OCA2: variants seen among roughly 807,000 people sequenced by gnomAD.
The protein encoded by OCA2 is P protein.
A neutral mutation model predicts 100.2 loss-of-function variants in OCA2; 77 were observed. The ratio of observed to expected loss-of-function variants is 0.77; its 90% confidence interval spans 0.64 to 0.93. OCA2 has a LOEUF of 0.93. Among genes scored for constraint, OCA2 ranks in the 40% least tolerant of loss-of-function variants. The pLI is 0.00. For synonymous variants in OCA2, 432 were observed against 439.2 expected (o/e 0.98, Z 0.21); for missense variants, 1,062 against 1,089.1 (o/e 0.98, Z 0.35).
At chr15:27,795,953 A>T (rs979793947) in intron 23 of OCA2, among the ~76,000 whole-genome samples, 4 of 152,198 alleles carry the variant, frequency 2.6e-5, no homozygotes, top group African/African-American at 9.7e-5. Flanking sequence ...GAATTTGCCT[A>T]TTTAAGAAAA....
chr15:27,995,296 G>T (rs2041685608), intron 9 of OCA2, among the ~76,000 whole-genome samples: 1 of 152,112 alleles, frequency 6.6e-6, no homozygotes, highest in Admixed American at 6.6e-5. Flanking sequence ...CCACCCAACA[G>T]CAGAAAAAGA....
intron 9 of OCA2, among the ~76,000 whole-genome samples, chr15:28,005,731 A>G (rs936382558): frequency 7.2e-5 from 11 of 152,224 alleles, no homozygotes; most frequent in African/African-American, 2.7e-4. Context: ...CATTGGCATA[A>G]TCACTCTGCA....
chr15:27,753,174 C>T (rs1188100100), downstream of OCA2, among the ~76,000 whole-genome samples: 5 of 151,776 alleles, frequency 3.3e-5, no homozygotes, highest in Admixed American at 1.3e-4. Flanking sequence ...GGCCAATGAA[C>T]GAGAGGTTCC....
chr15:27,941,042 T>G (rs906920034), intron 18 of OCA2, among the ~76,000 whole-genome samples: 7 of 152,340 alleles, frequency 4.6e-5, no homozygotes, highest in Admixed American at 4.6e-4. Flanking sequence ...AGGAAGAATC[T>G]CTTGGTCCCA....
chr15:27,850,274 G>T (rs1272400681), intron 22 of OCA2, among the ~76,000 whole-genome samples: 1 of 152,268 alleles, frequency 6.6e-6, no homozygotes, highest in South Asian at 2.1e-4. Flanking sequence ...GTTACAGGAC[G>T]TGTCAGTCTA....
At chr15:27,950,922 C>G (rs906368316) in intron 18 of OCA2, among the ~76,000 whole-genome samples, 1 of 152,186 alleles carries the variant, frequency 6.6e-6, no homozygotes, top group African/African-American at 2.4e-5. Flanking sequence ...ACCATCTTAG[C>G]AGAGCTCACT....
chr15:27,911,629 A>G (rs1036272864), intron 19 of OCA2, among the ~76,000 whole-genome samples: 3 of 152,038 alleles, frequency 2.0e-5, no homozygotes, highest in African/African-American at 7.3e-5. Context: ...TCTTTTAACA[A>G]CCAGGTCTCT....
intron 9 of OCA2, among the ~76,000 whole-genome samples, chr15:27,993,344 G>A (rs368284259): frequency 2.0e-5 from 3 of 152,074 alleles, no homozygotes; most frequent in Non-Finnish European, 4.4e-5. Flanking sequence ...CTGAATAATT[G>A]TCCCCGTGTC....
intron 2 of OCA2, among the ~76,000 whole-genome samples, chr15:28,049,066 T>C (rs966507194): frequency 6.6e-6 from 1 of 152,132 alleles, no homozygotes; most frequent in African/African-American, 2.4e-5. Context: ...TTAAAGAAAT[T>C]GCTTGCAAAT....
chr15:27,951,892 G>C lies in OCA2; in HGVS notation c.1843C>G (p.His615Asp). ...AGCAGAATCCCGTCAGATATCCTATGCTGTAAGAGAGAAACCACAGCTCAT... is the reference window on the plus strand; with the variant it reads ...AGCAGAATCCCGTCAGATATCCTATCCTGTAAGAGAGAAACCACAGCTCAT... The part of the protein sequence containing the change: ...ETNIQELQKK[H>D]RISDGILLAK... The change falls in exon 18 of 24, where the codon CAT becomes GAT. Residue 615 changes from histidine to aspartate, a missense_variant and splice_region_variant. Coordinates refer to ENST00000354638, the MANE Select transcript of OCA2 (RefSeq NM_000275.3). The C allele has an allele frequency of 6.2e-7, 1 of 1,605,764 alleles. No individual in the cohort carries two copies. The highest frequency in any genetic ancestry group is 1.7e-4 in the Middle Eastern group (1 of 6,054).
In OCA2 at chr15:28,069,382, C is replaced by G. The variant is rs1566862373; in HGVS notation, c.227+12266G>C. 5.1e-4 allele frequency among the ~76,000 whole-genome samples: 6 copies of G among 11,692 alleles called. No homozygotes were observed. The African/African-American group carries it at 7.3e-3, about 14-fold the overall frequency. 7.7% of individuals were successfully genotyped at this position (11,692 alleles called of 152,430 possible). On this transcript the variant is annotated intron_variant, in intron 2 of 23. Coordinates refer to ENST00000354638, the MANE Select transcript of OCA2 (RefSeq NM_000275.3). ...CCTCTCCCTCTCCCTCTCCCTCTCCCTCCCCCTCCCCCTCCCCCTCCCCTT... is the reference window on the plus strand; with the variant it reads ...CCTCTCCCTCTCCCTCTCCCTCTCCGTCCCCCTCCCCCTCCCCCTCCCCTT...
intron 19 of OCA2, among the ~76,000 whole-genome samples, chr15:27,913,987 C>T (rs918247743): frequency 2.0e-5 from 3 of 151,178 alleles, no homozygotes; most frequent in Non-Finnish European, 4.4e-5. Flanking sequence ...TGCAAAAATC[C>T]TCAATAAAAT....
intron 17 of OCA2, among the ~76,000 whole-genome samples, chr15:27,953,054 G>A (rs2040088653): frequency 6.6e-6 from 1 of 152,126 alleles, no homozygotes; most frequent in Non-Finnish European, 1.5e-5. Context: ...CTGTCTAGGT[G>A]GATTAGATGG....
chr15:27,733,810 A>G, the OCA2 span, among the ~76,000 whole-genome samples: 1 of 152,142 alleles, frequency 6.6e-6, no homozygotes, highest in African/African-American at 2.4e-5. Flanking sequence ...AACTTCACTC[A>G]AAGTATTAAC....
At chr15:27,913,884 AAAGAAAGAAAGCAAGCAAGCAAGCAAGC>A (rs2038530588) in intron 19 of OCA2, among the ~76,000 whole-genome samples, 3 of 64,044 alleles carry the variant, frequency 4.7e-5, no homozygotes, top group African/African-American at 2.2e-4. Flanking sequence ...AGAAAGAAAG[AAAGAAAGAAAGCAAGCAAGCAAGCAAGC>A]AAGCAAGCAA....
intron 14 of OCA2, among the ~76,000 whole-genome samples, chr15:27,979,214 A>C (rs2041066780): frequency 6.6e-6 from 1 of 152,210 alleles, no homozygotes; most frequent in African/African-American, 2.4e-5. Flanking sequence ...AAGTGTTCTG[A>C]GCACATTTAA....
Position 27,957,926 on chromosome 15 carries a change from T to C in OCA2, c.1637-191A>G, listed in dbSNP as rs2040284724. Among the ~76,000 whole-genome samples the C allele has an allele frequency of 6.6e-6, 1 of 152,102 alleles. No individual in the cohort carries two copies. Among genetic ancestry groups the C allele is most frequent in the Non-Finnish European group, 1.5e-5 (1 of 68,028 alleles). ...GGAGCCCAGACGACAAAGCCGACAT[T>C]TAAAAATTATCACAAATTGCAAGGA... is the stretch of plus-strand genomic sequence containing the variant. On this transcript the variant is annotated intron_variant, in intron 15 of 23. Coordinates refer to ENST00000354638, the MANE Select transcript of OCA2 (RefSeq NM_000275.3). The surrounding 1 kb of genome is among the most constrained non-coding windows in gnomAD (Gnocchi z 4.3).
At chr15:28,080,826 G>A (rs1248953031) in intron 2 of OCA2, among the ~76,000 whole-genome samples, 2 of 152,200 alleles carry the variant, frequency 1.3e-5, no homozygotes, top group African/African-American at 4.8e-5. Context: ...TATGTGAACT[G>A]CAAATTATGG....
chr15:27,833,195 TA>T (rs1178618779), intron 23 of OCA2, among the ~76,000 whole-genome samples: 1 of 152,204 alleles, frequency 6.6e-6, no homozygotes, highest in African/African-American at 2.4e-5. Context: ...AAATGCATTA[TA>T]AAAAAAGTTT....
Sources: gnomAD v4.1 joint callset for allele counts (sites outside exome capture counted in the v4.1 genomes callset) on GRCh38, gnomAD v4.1.1 for gene constraint, Gnocchi (gnomAD v3.1) non-coding constraint, MANE v1.5 for transcripts, NCBI Gene and HGNC (gene_info 2026-07-23, HGNC 2026-07-21) for gene names.